ACBD6: variants seen among roughly 807,000 people sequenced by gnomAD.
The protein encoded by ACBD6 is acyl-CoA binding domain containing 6.
Under a neutral mutation model 37.2 loss-of-function variants are expected in ACBD6, and 28 were observed. The observed-to-expected ratio is 0.75, with a 90% CI of 0.56 to 1.03. The LOEUF (loss-of-function observed/expected upper bound fraction) is 1.03, where lower values mean the gene tolerates loss of function less well. ACBD6 is among the 50% of genes least tolerant of loss of function. The pLI is 0.00. For missense variants in ACBD6, 340 were observed against 337.4 expected, an observed-to-expected ratio of 1.01 and a Z score of -0.06; for synonymous variants, 113 against 126.8, an observed-to-expected ratio of 0.89 and a Z score of 0.73.
intron 6 of ACBD6, among the ~76,000 whole-genome samples, chr1:180,375,532 T>C (rs949617024): frequency 2.0e-5 from 3 of 152,158 alleles, no homozygotes; most frequent in Non-Finnish European, 4.4e-5. Context: ...TGCTTTGTTG[T>C]GCAGGCTGTT....
intron 3 of ACBD6, among the ~76,000 whole-genome samples, chr1:180,482,857 AGT>A (rs1291603501): frequency 2.0e-5 from 3 of 152,180 alleles, no homozygotes; most frequent in African/African-American, 7.2e-5. Context: ...TGGGACTGAA[AGT>A]GTGTGAGTGT....
chr1:180,444,262 C>T (rs990693742), intron 3 of ACBD6, among the ~76,000 whole-genome samples: 38 of 145,880 alleles, frequency 2.6e-4, no homozygotes, highest in Non-Finnish European at 3.9e-4. Context: ...CCAGTCTGGG[C>T]GACAGAGTGA....
downstream of ACBD6, chr1:180,287,508 T>G (rs1268242199): frequency 6.6e-6 from 1 of 150,916 alleles, no homozygotes; most frequent in African/African-American, 2.4e-5. Context: ...AAAGCTCTTC[T>G]GGTATCCAGA....
chr1:180,282,346 T>C lies in ACBD6; in HGVS notation c.*94-960A>G, dbSNP rs1360238644. On this transcript the variant is annotated intron_variant, in intron 8 of 13. Coordinates refer to the ACBD6 transcript ENST00000642319. ...GAATTGCTTTCTGAAAGATAAAATA[T>C]AGACCCAAAAAAGTGGTCTTGGCAC... Among the ~76,000 whole-genome samples, 7 of 151,996 alleles carry C rather than the reference T, an allele frequency of 4.6e-5. No individual in the cohort carries two copies. The South Asian group carries it at 1.0e-3, about 23-fold the overall frequency.
chr1:180,369,588 T>C (rs79043795), intron 6 of ACBD6, among the ~76,000 whole-genome samples: 436 of 152,336 alleles, frequency 2.9e-3, no homozygotes, highest in African/African-American at 0.01. Flanking sequence ...AGATTCTCTA[T>C]ATTTCCTTCA....
At chr1:180,367,092 T>C (rs1653080265) in intron 6 of ACBD6, among the ~76,000 whole-genome samples, 1 of 152,228 alleles carries the variant, frequency 6.6e-6, no homozygotes, top group South Asian at 2.1e-4. Flanking sequence ...CAGAAAAACA[T>C]ACTTTGCAGA....
chr1:180,364,445 T>C (rs1356849527), intron 6 of ACBD6, among the ~76,000 whole-genome samples: 5 of 152,334 alleles, frequency 3.3e-5, no homozygotes, highest in East Asian at 3.9e-4. Context: ...ATGTCTACTG[T>C]CTTCAAATAA....
At chr1:180,336,625 A>G (rs1385735229) in intron 6 of ACBD6, among the ~76,000 whole-genome samples, 1 of 151,160 alleles carries the variant, frequency 6.6e-6, no homozygotes, top group East Asian at 2.0e-4. Flanking sequence ...GAGCAAACAC[A>G]TTCAAAAGCT....
At chr1:180,394,809 T>C (rs1481122051) in intron 6 of ACBD6, among the ~76,000 whole-genome samples, 1 of 152,126 alleles carries the variant, frequency 6.6e-6, no homozygotes, top group Non-Finnish European at 1.5e-5. Flanking sequence ...ATTACATACA[T>C]AGGATACATA....
intron 6 of ACBD6, among the ~76,000 whole-genome samples, chr1:180,390,224 T>C (rs1261758517): frequency 6.6e-6 from 1 of 151,910 alleles, no homozygotes; most frequent in Non-Finnish European, 1.5e-5. Flanking sequence ...TACATATGGC[T>C]AGCCAGTTTT....
chr1:180,300,250 A>G (rs1255270997), intron 7 of ACBD6, among the ~76,000 whole-genome samples: 1 of 152,250 alleles, frequency 6.6e-6, no homozygotes, highest in Non-Finnish European at 1.5e-5. Flanking sequence ...AGAGTAGGTT[A>G]AGAGTCCTGA....
At chr1:180,318,661 C>T (rs114268987) in intron 6 of ACBD6, among the ~76,000 whole-genome samples, 17 of 152,126 alleles carry the variant, frequency 1.1e-4, no homozygotes, top group Non-Finnish European at 2.1e-4. Flanking sequence ...AGCAAACCCA[C>T]CTTCACCGCC....
At chr1:180,354,048 T>C (rs1024289066) in intron 6 of ACBD6, among the ~76,000 whole-genome samples, 2 of 152,190 alleles carry the variant, frequency 1.3e-5, no homozygotes, top group African/African-American at 4.8e-5. Context: ...CAAGACAGCT[T>C]TCCCTATCCC....
intron 3 of ACBD6, among the ~76,000 whole-genome samples, chr1:180,456,410 G>A (rs1226173039): frequency 6.6e-6 from 1 of 152,144 alleles, no homozygotes; most frequent in Non-Finnish European, 1.5e-5. Context: ...TACATGCAAG[G>A]TTGGAGATTA....
At chr1:180,291,212 CTGTTT>C (rs766140090) in intron 7 of ACBD6, among the ~76,000 whole-genome samples, 7 of 152,184 alleles carry the variant, frequency 4.6e-5, no homozygotes, top group Non-Finnish European at 8.8e-5. Context: ...TTGTGTTGTC[CTGTTT>C]TATGTTTTCA....
intron 3 of ACBD6, among the ~76,000 whole-genome samples, chr1:180,430,842 T>A (rs1292257224): frequency 6.6e-6 from 1 of 152,158 alleles, no homozygotes; most frequent in Non-Finnish European, 1.5e-5. Flanking sequence ...TGCCCCTCTA[T>A]GTTCTCAAAA....
intron 1 of ACBD6, among the ~76,000 whole-genome samples, chr1:180,498,667 G>A (rs1046120634): frequency 1.4e-4 from 22 of 152,074 alleles, no homozygotes; most frequent in Non-Finnish European, 2.6e-4. Flanking sequence ...GGTCAACCAT[G>A]GCCAACATGG....
At chr1:180,482,756 T>C (rs77066130) in intron 3 of ACBD6, among the ~76,000 whole-genome samples, 3,162 of 152,258 alleles carry the variant, frequency 0.021, 51 homozygotes, top group Non-Finnish European at 0.026. Context: ...CAAAGAAAAC[T>C]TTTTTAAAAG....
At chr1:180,404,317 A>T (rs1647513019) in intron 5 of ACBD6, among the ~76,000 whole-genome samples, 1 of 151,998 alleles carries the variant, frequency 6.6e-6, no homozygotes, top group Admixed American at 6.6e-5. Context: ...ATGTGAATGT[A>T]TTGTTTTATT....
Sources: gnomAD v4.1 joint callset for allele counts (sites outside exome capture counted in the v4.1 genomes callset) on GRCh38, gnomAD v4.1.1 for gene constraint, MANE v1.5 for transcripts, NCBI Gene and HGNC (gene_info 2026-07-23, HGNC 2026-07-21) for gene names.